CSMD1: variants seen among roughly 807,000 people sequenced by gnomAD.
CSMD1 encodes CUB and Sushi multiple domains 1, also known as CUB and sushi domain-containing protein 1.
CSMD1 carries 213 observed loss-of-function variants against 417.5 expected under a neutral mutation model. That is an observed-to-expected ratio of 0.51 (90% CI 0.46 to 0.57). The LOEUF is 0.57. Among genes scored for constraint, CSMD1 ranks in the 20% least tolerant of loss-of-function variants. The pLI, the probability that CSMD1 is intolerant of heterozygous loss-of-function variation, is 0.00. For missense variants in CSMD1, 6,923 were observed against 4,529.7 expected (o/e 1.53, Z -15.17); for synonymous variants, 2,862 against 1,736.8 (o/e 1.65, Z -16.11).
chr8:3,106,592 G>C lies in CSMD1; in HGVS notation c.6885C>G (p.Thr2295=), dbSNP rs768859739. 1 of 1,613,664 alleles carries C rather than the reference G, an allele frequency of 6.2e-7. No homozygotes were observed. Residue 2295 remains threonine, a synonymous_variant, in exon 46 of 70, where the codon ACC becomes ACG. Coordinates refer to ENST00000635120, the MANE Select transcript of CSMD1 (RefSeq NM_033225.6). ...QCHPGYTLVG[T]DILTCKLSSQ... is the part of the protein sequence containing the mutation. ...AACTGAGCTTGCAAGTCAGAATGTC[G>C]GTCCCCACCAAGGTGTACCCGGGGT...
rs149589132 is a variant in CSMD1 at position 4,391,143 on chromosome 8, C to T, written c.415+28810G>A. ...TGTTTCTCTAGGGACCCAGATAATG[C>T]CTGTGCTCAGGCAAGTATGGCAAGA... On this transcript the variant is annotated intron_variant, in intron 3 of 69. Transcript: ENST00000635120. 5.2e-4 allele frequency among the ~76,000 whole-genome samples: 79 copies of T among 152,264 alleles called. 1 individual carries two copies. In the East Asian group the frequency reaches 0.014, roughly 26 times the overall value.
intron 9 of CSMD1, among the ~76,000 whole-genome samples, chr8:3,579,640 T>G (rs761536847): frequency 6.6e-6 from 1 of 152,214 alleles, no homozygotes; most frequent in Non-Finnish European, 1.5e-5. Context: ...CTTCCTTTCC[T>G]TCACCACACC....
intron 5 of CSMD1, among the ~76,000 whole-genome samples, chr8:3,976,033 A>G (rs576710319): frequency 3.3e-4 from 51 of 152,272 alleles, no homozygotes; most frequent in South Asian, 1.0e-3. Flanking sequence ...AATATATTCA[A>G]TATATACTGA....
At chr8:3,698,794 G>A (rs1800696627) in intron 7 of CSMD1, among the ~76,000 whole-genome samples, 1 of 152,154 alleles carries the variant, frequency 6.6e-6, no homozygotes, top group African/African-American at 2.4e-5. Flanking sequence ...AAATGTATCT[G>A]GTTATCTGGA....
intron 2 of CSMD1, among the ~76,000 whole-genome samples, chr8:4,491,691 A>G (rs949176817): frequency 2.2e-4 from 33 of 152,324 alleles, no homozygotes; most frequent in African/African-American, 7.9e-4. Flanking sequence ...ACCAATGAAG[A>G]ATCGCTAAAA....
At chr8:4,969,453 T>A (rs982997189) in intron 1 of CSMD1, among the ~76,000 whole-genome samples, 4 of 151,212 alleles carry the variant, frequency 2.6e-5, no homozygotes, top group Admixed American at 6.6e-5. Context: ...TCACAGAAAA[T>A]CTTTCTATTC....
intron 2 of CSMD1, among the ~76,000 whole-genome samples, chr8:4,425,230 A>C (rs774262513): frequency 6.6e-6 from 1 of 152,070 alleles, no homozygotes; most frequent in Non-Finnish European, 1.5e-5. Flanking sequence ...AAGTAGGAAC[A>C]AGATACTAAG....
chr8:4,921,315 T>A (rs1585332434), intron 1 of CSMD1, among the ~76,000 whole-genome samples: 1 of 152,182 alleles, frequency 6.6e-6, no homozygotes, highest in African/African-American at 2.4e-5. Context: ...TAGGATATAC[T>A]CAGGAAAATT....
At chr8:4,252,215 A>C (rs139030029) in intron 3 of CSMD1, among the ~76,000 whole-genome samples, 1 of 152,296 alleles carries the variant, frequency 6.6e-6, no homozygotes, top group East Asian at 1.9e-4. Flanking sequence ...AGACAAAGGT[A>C]AACAGGCATA....
At chr8:4,936,010 G>C (rs1807596434) in intron 1 of CSMD1, among the ~76,000 whole-genome samples, 1 of 152,184 alleles carries the variant, frequency 6.6e-6, no homozygotes. Flanking sequence ...GGAATAATAG[G>C]AACCCAAAGT....
chr8:3,984,417 T>G (rs1814150631), intron 5 of CSMD1, among the ~76,000 whole-genome samples: 1 of 152,102 alleles, frequency 6.6e-6, no homozygotes, highest in African/African-American at 2.4e-5. Context: ...TACTTTTGGT[T>G]CTAAGATAAC....
chr8:4,637,326 A>T lies in CSMD1; in HGVS notation c.302+16T>A. On this transcript the variant is annotated intron_variant, in intron 2 of 69. Coordinates refer to ENST00000635120, the MANE Select transcript of CSMD1 (RefSeq NM_033225.6). ...TCAAACAGTGCTAACTGTAATATAAAAAGTTGATACCTTACCTCACTTTTA... is the reference window on the plus strand; with the variant it reads ...TCAAACAGTGCTAACTGTAATATAATAAGTTGATACCTTACCTCACTTTTA... 6.3e-7 allele frequency: 1 copy of T among 1,580,320 alleles called. No homozygotes were observed. Among genetic ancestry groups the T allele is most frequent in the Non-Finnish European group, 8.7e-7 (1 of 1,149,986 alleles).
chr8:3,220,122 C>T (rs1798114628), intron 28 of CSMD1, among the ~76,000 whole-genome samples: 1 of 136,640 alleles, frequency 7.3e-6, no homozygotes, highest in Non-Finnish European at 1.5e-5. Flanking sequence ...CCATGCACTC[C>T]ACCCTGAGAG....
chr8:4,017,801 A>G (rs1796593876), intron 4 of CSMD1, among the ~76,000 whole-genome samples: 1 of 152,132 alleles, frequency 6.6e-6, no homozygotes, highest in Non-Finnish European at 1.5e-5. Flanking sequence ...CTGCATTTGG[A>G]AAAGATAACA....
Position 3,693,744 on chromosome 8 carries a change from G to A in CSMD1, c.1009+14670C>T, listed in dbSNP as rs1800382094. On this transcript the variant is annotated intron_variant, in intron 7 of 69. Coordinates refer to ENST00000635120, the MANE Select transcript of CSMD1 (RefSeq NM_033225.6). The stretch of plus-strand genomic sequence containing the variant: ...TTGTGTGTGTTATGCTTGTTATGGT[G>A]TGTGTGTTGTATGTGTGTTTTGTGT... Among the ~76,000 whole-genome samples the A allele has an allele frequency of 3.9e-5, 6 of 152,172 alleles. No homozygotes were observed. In the South Asian group the frequency reaches 1.2e-3, roughly 32 times the overall value.
At chr8:4,067,960 C>A (rs1417549653) in intron 3 of CSMD1, among the ~76,000 whole-genome samples, 2 of 151,964 alleles carry the variant, frequency 1.3e-5, no homozygotes, top group African/African-American at 4.8e-5. Flanking sequence ...TCCTGTAATC[C>A]CAGCTACTTG....
At chr8:4,108,025 G>A (rs1003500173) in intron 3 of CSMD1, among the ~76,000 whole-genome samples, 2 of 145,858 alleles carry the variant, frequency 1.4e-5, no homozygotes, top group African/African-American at 2.7e-5. Flanking sequence ...GACTGCAGGG[G>A]AGAGAGAGAG....
At position 3,349,381 on chromosome 8, in the gene CSMD1, T is replaced by C. The variant is rs193175997; in HGVS notation, c.3305-1220A>G. Among the ~76,000 whole-genome samples, 496 of 152,288 alleles carry C rather than the reference T, an allele frequency of 3.3e-3. 2 individuals carry two copies. Among genetic ancestry groups the C allele is most frequent in the African/African-American group, 0.011 (456 of 41,560 alleles). On this transcript the variant is annotated intron_variant, in intron 21 of 69. Transcript: ENST00000635120. Reference sequence around the variant, plus strand: ...CAGGAAGTTGCTAGAGATCCATGATTGCCCCCCAGTGATTTGTGCACGTTG... The same window carrying C: ...CAGGAAGTTGCTAGAGATCCATGATCGCCCCCCAGTGATTTGTGCACGTTG...
At chr8:4,345,038 A>G (rs931339166) in intron 3 of CSMD1, among the ~76,000 whole-genome samples, 3 of 152,114 alleles carry the variant, frequency 2.0e-5, no homozygotes. Flanking sequence ...CATAACATCA[A>G]GCTCAGAATT....
Sources: allele counts gnomAD v4.1 joint callset (sites outside exome capture counted in the v4.1 genomes callset), GRCh38; gene constraint gnomAD v4.1.1; transcripts MANE v1.5; gene names NCBI Gene and HGNC (gene_info 2026-07-23, HGNC 2026-07-21).